CRIPTO: variants seen among roughly 807,000 people sequenced by gnomAD.
CRIPTO encodes protein Cripto.
the CRIPTO span, chr3:46,580,105 A>T: frequency 3.7e-6 from 6 of 1,613,866 alleles, no homozygotes; most frequent in Non-Finnish European, 5.1e-6. Context: ...GAAGTTACGT[A>T]GTTGCCTTGG....
the CRIPTO span, chr3:46,579,625 GCA>G: frequency 1.5e-6 from 2 of 1,296,202 alleles, no homozygotes; most frequent in South Asian, 1.2e-5. Context: ...CTGCTCAAAG[GCA>G]CAGAGACTTA....
At chr3:46,579,646 C>A in the CRIPTO span, 2 of 1,362,360 alleles carry the variant, frequency 1.5e-6, no homozygotes, top group Non-Finnish European at 2.1e-6. Flanking sequence ...TACTCTGATA[C>A]AACACATTGG....
chr3:46,575,958 G>A, the CRIPTO span, among the ~76,000 whole-genome samples: 4 of 152,030 alleles, frequency 2.6e-5, no homozygotes, highest in African/African-American at 4.8e-5. Context: ...CCCCACCTCC[G>A]GCCTCCTAGA....
At chr3:46,578,765 C>G in the CRIPTO span, among the ~76,000 whole-genome samples, 1 of 152,098 alleles carries the variant, frequency 6.6e-6, no homozygotes, top group Non-Finnish European at 1.5e-5. Context: ...TGGGATGCAG[C>G]TATTTTTTAA....
At chr3:46,580,231 T>G in the CRIPTO span, 11 of 817,678 alleles carry the variant, frequency 1.3e-5, no homozygotes, top group Admixed American at 2.1e-4. Flanking sequence ...CTTGGCCTCT[T>G]TGATATTTAT....
chr3:46,579,629 A>G, the CRIPTO span: 1 of 1,316,162 alleles, frequency 7.6e-7, no homozygotes, highest in East Asian at 2.3e-5. Flanking sequence ...TCAAAGGCAC[A>G]GAGACTTACT....
chr3:46,578,309 C>T, the CRIPTO span, among the ~76,000 whole-genome samples: 7 of 148,886 alleles, frequency 4.7e-5, no homozygotes, highest in South Asian at 2.1e-4. Context: ...TAAAATCTTC[C>T]GAAAAGATTA....
At chr3:46,580,141 T>C in the CRIPTO span, 10 of 1,577,340 alleles carry the variant, frequency 6.3e-6, no homozygotes, top group African/African-American at 1.1e-4. Flanking sequence ...CAGGCTCTCC[T>C]TGTACCTCTT....
chr3:46,579,148 G>T, the CRIPTO span: 1 of 1,614,148 alleles, frequency 6.2e-7, no homozygotes, highest in African/African-American at 1.3e-5. Flanking sequence ...TTAGTTGCCG[G>T]TGAGAGACCT....
chr3:46,576,480 C>CAAAAAAA, the CRIPTO span, among the ~76,000 whole-genome samples: 39 of 55,046 alleles, frequency 7.1e-4, 2 homozygotes, highest in African/African-American at 3.2e-3. Flanking sequence ...GACTCTGTCG[C>CAAAAAAA]AAAAAAAAAA....
chr3:46,575,238 A>G, the CRIPTO span, among the ~76,000 whole-genome samples: 1,737 of 152,338 alleles, frequency 0.011, 32 homozygotes, highest in African/African-American at 0.039. Context: ...CTTTCTCTCC[A>G]GCCTCACAGT....
At chr3:46,579,099 A>G in the CRIPTO span, 1 of 1,613,968 alleles carries the variant, frequency 6.2e-7, no homozygotes, top group East Asian at 2.2e-5. Context: ...TCCTAGTGTG[A>G]TTTGGATCAT....
At chr3:46,578,801 G>C in the CRIPTO span, among the ~76,000 whole-genome samples, 1 of 151,946 alleles carries the variant, frequency 6.6e-6, no homozygotes, top group African/African-American at 2.4e-5. Context: ...TGTATGCAGG[G>C]GAAAACATGT....
the CRIPTO span, among the ~76,000 whole-genome samples, chr3:46,578,399 T>A: frequency 2.7e-5 from 4 of 149,430 alleles, no homozygotes; most frequent in Non-Finnish European, 5.9e-5. Context: ...ATTTTTTACC[T>A]AAAAACCTTT....
chr3:46,578,916 CT>C, the CRIPTO span, among the ~76,000 whole-genome samples: 6 of 151,662 alleles, frequency 4.0e-5, no homozygotes, highest in Admixed American at 2.0e-4. Flanking sequence ...ATATTGGTGA[CT>C]TTTTTTCAAC....
the CRIPTO span, among the ~76,000 whole-genome samples, chr3:46,576,480 C>CAAAAAAAAAAAAAA: frequency 1.8e-5 from 1 of 55,054 alleles, no homozygotes; most frequent in African/African-American, 9.4e-5. Context: ...GACTCTGTCG[C>CAAAAAAAAAAAAAA]AAAAAAAAAA....
the CRIPTO span, among the ~76,000 whole-genome samples, chr3:46,575,977 C>G: frequency 6.6e-6 from 1 of 152,160 alleles, no homozygotes; most frequent in African/African-American, 2.4e-5. Flanking sequence ...GAGCTTCAGG[C>G]CATGTTCCCC....
chr3:46,579,198 A>G, the CRIPTO span: 1 of 1,614,140 alleles, frequency 6.2e-7, no homozygotes, highest in South Asian at 1.1e-5. Context: ...TGTGGCCTAA[A>G]ATACAGACTC....
chr3:46,579,843 G>A, the CRIPTO span: 2 of 1,614,158 alleles, frequency 1.2e-6, no homozygotes. Flanking sequence ...TGAGCACGAT[G>A]TGCGCAAAGA....
Sources: allele counts gnomAD v4.1 joint callset (sites outside exome capture counted in the v4.1 genomes callset), GRCh38; gene constraint gnomAD v4.1.1; transcripts MANE v1.5; gene names NCBI Gene and HGNC (gene_info 2026-07-23, HGNC 2026-07-21).